Variants in SRPK1 observed in about 807,000 individuals in gnomAD.
SRPK1 encodes SFRS protein kinase 1.
Under a neutral mutation model 89.5 loss-of-function variants are expected in SRPK1, and 52 were observed. That is an observed-to-expected ratio of 0.58 (90% CI 0.46 to 0.73). The LOEUF (loss-of-function observed/expected upper bound fraction) is 0.73. Among genes scored for constraint, SRPK1 ranks in the 30% least tolerant of loss-of-function variants. The pLI is 0.00. For missense variants in SRPK1, 603 were observed against 780.6 expected, an observed-to-expected ratio of 0.77 and a Z score of 2.71; for synonymous variants, 255 against 270.2, an observed-to-expected ratio of 0.94 and a Z score of 0.55.
At chr6:35,883,773 G>A (rs1022847998) in intron 6 of SRPK1, among the ~76,000 whole-genome samples, 36 of 150,562 alleles carry the variant, frequency 2.4e-4, no homozygotes, top group African/African-American at 5.1e-4. Flanking sequence ...TTGCTCTGTC[G>A]CCCAGGCTGG....
At chr6:35,886,978 A>G (rs570699009) in intron 5 of SRPK1, among the ~76,000 whole-genome samples, 167 bp from the exon 6 acceptor site, 18 of 152,352 alleles carry the variant, frequency 1.2e-4, no homozygotes, top group African/African-American at 4.1e-4. Context: ...AATCTTAAAT[A>G]GTCAATTCAT....
At chr6:35,917,848 A>G (rs1771145329) in intron 2 of SRPK1, among the ~76,000 whole-genome samples, 1 of 152,244 alleles carries the variant, frequency 6.6e-6, no homozygotes, top group Non-Finnish European at 1.5e-5. Flanking sequence ...CTGAACTGCC[A>G]GTCAGGATAT....
chr6:35,868,530 A>G (rs1367334648), intron 12 of SRPK1, among the ~76,000 whole-genome samples: 2 of 152,232 alleles, frequency 1.3e-5, no homozygotes, highest in African/African-American at 2.4e-5. Context: ...TATGTAGATT[A>G]AAGTGTACTA....
rs1421332388 is a variant in SRPK1 at position 35,871,412 on chromosome 6, C to T, written c.752-453G>A. 2.6e-5 allele frequency among the ~76,000 whole-genome samples: 4 copies of T among 152,140 alleles called. No homozygotes were observed. The East Asian group carries it at 5.8e-4, about 22-fold the overall frequency. On this transcript the variant is annotated intron_variant, in intron 8 of 15. Transcript: ENST00000373825. ...GCTGGAAGGTAGGATCTTCAGTCTT[C>T]CTCTTTTTAAAATATTAGTATAATA... is the stretch of plus-strand genomic sequence containing the variant.
chr6:35,841,999 C>G (rs17705020), intron 14 of SRPK1, among the ~76,000 whole-genome samples: 1 of 151,864 alleles, frequency 6.6e-6, no homozygotes, highest in African/African-American at 2.4e-5. Flanking sequence ...GCTTTTCCCA[C>G]TGGCTACCAC....
chr6:35,880,789 G>GA (rs35013856), intron 6 of SRPK1, among the ~76,000 whole-genome samples: 3,775 of 107,354 alleles, frequency 0.035, 142 homozygotes, highest in African/African-American at 0.086. Flanking sequence ...CAGAATATTT[G>GA]AAAAAAAAAA....
At chr6:35,870,554 G>C in intron 9 of SRPK1, 60 bp from the exon 10 acceptor site, 1 of 1,438,786 alleles carries the variant, frequency 7.0e-7, no homozygotes, top group Non-Finnish European at 9.3e-7. Flanking sequence ...CCCCCAGTTG[G>C]AGATAGTTGT....
rs1400876072 is a variant in SRPK1, at chr6:35,837,867, G to A, written c.1783+470C>T. ...GCCACCATGCCTGGCTCCAGTCTCTGCTTTTTTTTTTTTTTTGTGAGACAG... is the reference window on the plus strand; with the variant it reads ...GCCACCATGCCTGGCTCCAGTCTCTACTTTTTTTTTTTTTTTGTGAGACAG... On this transcript the variant is annotated intron_variant, in intron 15 of 15. Transcript: ENST00000373825. Among the ~76,000 whole-genome samples, 2 of 147,558 alleles carry A rather than the reference G, an allele frequency of 1.4e-5. 1 individual carries two copies. The highest frequency in any genetic ancestry group is 3.9e-4 in the East Asian group (2 of 5,098).
chr6:35,876,085 T>A (rs1201959230), intron 6 of SRPK1, among the ~76,000 whole-genome samples: 232 of 77,636 alleles, frequency 3.0e-3, no homozygotes, highest in East Asian at 4.3e-3. Flanking sequence ...ATTCTTAAAT[T>A]AAAAAAAAAA....
At chr6:35,919,880 A>T (rs896814830) in intron 2 of SRPK1, among the ~76,000 whole-genome samples, 2 of 152,246 alleles carry the variant, frequency 1.3e-5, no homozygotes, top group Non-Finnish European at 2.9e-5. Flanking sequence ...AGCAGTTAAC[A>T]GACACCGACT....
Position 35,921,027 on chromosome 6 carries a change from G to A in SRPK1, c.13+17C>T, listed in dbSNP as rs1771227154. ...GCGACCATTGCCCCTCGTGGCGGAGGCCGCTCCACCGCTCACCTTTCCGCT... is the reference window on the plus strand; with the variant it reads ...GCGACCATTGCCCCTCGTGGCGGAGACCGCTCCACCGCTCACCTTTCCGCT... On this transcript the variant is annotated intron_variant, in intron 1 of 15. Coordinates refer to ENST00000373825, the MANE Select transcript of SRPK1 (RefSeq NM_003137.5). The A allele has an allele frequency of 6.5e-7, 1 of 1,544,188 alleles. No individual in the cohort carries two copies. Among genetic ancestry groups the A allele is most frequent in the Non-Finnish European group, 8.7e-7 (1 of 1,147,796 alleles).
At chr6:35,903,136 T>C (rs1456561916) in intron 2 of SRPK1, among the ~76,000 whole-genome samples, 1 of 147,724 alleles carries the variant, frequency 6.8e-6, no homozygotes, top group African/African-American at 2.5e-5. Flanking sequence ...AAAAGCAAAG[T>C]GAATGAACGG....
At chr6:35,870,543 AC>A in intron 9 of SRPK1, 49 bp from the exon 10 acceptor site, 1 of 1,488,524 alleles carries the variant, frequency 6.7e-7, no homozygotes, top group South Asian at 1.3e-5. Flanking sequence ...CTAATTAATT[AC>A]CCCCAGTTGG....
intron 2 of SRPK1, among the ~76,000 whole-genome samples, chr6:35,914,495 C>A (rs1264048635): frequency 6.6e-6 from 1 of 152,186 alleles, no homozygotes; most frequent in Non-Finnish European, 1.5e-5. Flanking sequence ...TCTTCCAAGT[C>A]TTTGTTCAAA....
chr6:35,900,431 T>C (rs1364640697), intron 2 of SRPK1, among the ~76,000 whole-genome samples: 2 of 152,224 alleles, frequency 1.3e-5, no homozygotes, highest in Admixed American at 6.5e-5. Context: ...TCCCAGGTAC[T>C]TTTTTCTAGG....
chr6:35,904,423 C>A (rs1026320434), intron 2 of SRPK1, among the ~76,000 whole-genome samples: 2 of 152,144 alleles, frequency 1.3e-5, no homozygotes, highest in Non-Finnish European at 2.9e-5. Context: ...CTACCTTTCA[C>A]CATAAAGACT....
intron 8 of SRPK1, among the ~76,000 whole-genome samples, chr6:35,872,060 A>G (rs1367560981): frequency 6.6e-6 from 1 of 152,168 alleles, no homozygotes; most frequent in Non-Finnish European, 1.5e-5. Context: ...TTTGGTATAT[A>G]ATATTGTGTG....
chr6:35,920,370 G>C, intron 2 of SRPK1, 98 bp downstream of exon 2: 1 of 1,379,586 alleles, frequency 7.2e-7, no homozygotes, highest in Non-Finnish European at 1.0e-6. Context: ...TGCAGCCACA[G>C]GGTGCCCAAA....
At chr6:35,889,115 A>G (rs1339577777) in intron 3 of SRPK1, among the ~76,000 whole-genome samples, 192 bp from the exon 4 acceptor site, 1 of 152,214 alleles carries the variant, frequency 6.6e-6, no homozygotes, top group Non-Finnish European at 1.5e-5. Context: ...AATTCATGTT[A>G]TTAAAAAAAG....
Sources: gnomAD v4.1 joint callset for allele counts (sites outside exome capture counted in the v4.1 genomes callset) on GRCh38, gnomAD v4.1.1 for gene constraint, MANE v1.5 for transcripts, NCBI Gene and HGNC (gene_info 2026-07-23, HGNC 2026-07-21) for gene names.